HEXD: variants seen among roughly 807,000 people sequenced by gnomAD.
HEXD encodes the protein N-acetyl-beta-galactosaminidase.
HEXD carries 47 observed loss-of-function variants against 54.2 expected under a neutral mutation model. The ratio of observed to expected loss-of-function variants is 0.87; its 90% CI spans 0.69 to 1.11. The LOEUF is 1.11. Ranked by LOEUF, HEXD falls within the 50% of genes least tolerant of loss-of-function variation. The pLI is 0.00. For synonymous variants in HEXD, 293 were observed against 287.6 expected (o/e 1.02, Z -0.19); for missense variants, 576 against 649.2 (o/e 0.89, Z 1.23).
chr17:82,433,658 T>C lies in HEXD; in HGVS notation c.283T>C (p.Phe95Leu). The C allele has an allele frequency of 1.3e-6, 2 of 1,576,342 alleles. No individual in the cohort carries two copies. Among genetic ancestry groups the C allele is most frequent in the South Asian group, 1.2e-5 (1 of 85,620 alleles). The change falls in exon 5 of 13, where the codon TTT (phenylalanine) becomes CTT (leucine). Residue 95 changes from phenylalanine to leucine, a missense_variant and splice_region_variant. Physicochemically the swap from Phe to Leu is conservative, Grantham distance 22. Transcript: ENST00000327949. ...CGCGAACTTCTCTGTCTCTCCGCAG[T>C]TTGTGCTGAAGCACACGGCCTTCGC... ...PLVQTFGHME[F>L]VLKHTAFAHL...
At chr17:82,428,776 A>G (rs2053494803) in intron 4 of HEXD, 131 bp downstream of exon 4, 1 of 732,306 alleles carries the variant, frequency 1.4e-6, no homozygotes, top group South Asian at 1.6e-5. Context: ...GCTCAGCACA[A>G]CATGGAAAGG....
At chr17:82,419,997 G>A (rs1396909059) in intron 2 of HEXD, 114 bp downstream of exon 2, 9 of 489,346 alleles carry the variant, frequency 1.8e-5, no homozygotes, top group African/African-American at 4.0e-5. Context: ...CAAGGTTCTC[G>A]GTGGAGCAAG....
chr17:82,440,431 C>A, intron 9 of HEXD: 1 of 712,582 alleles, frequency 1.4e-6, no homozygotes, highest in Non-Finnish European at 2.0e-6. Context: ...CACCCCTGTA[C>A]CCCACACTAA....
At position 82,442,062 on chromosome 17, in the gene HEXD, T is replaced by G; in HGVS notation, c.1254-115T>G. The G allele has an allele frequency of 7.3e-7, 1 of 1,377,540 alleles. No individual in the cohort carries two copies. Among genetic ancestry groups the G allele is most frequent in the Non-Finnish European group, 1.0e-6 (1 of 999,462 alleles). 85.3% of individuals were successfully genotyped at this position (1,377,540 alleles called of 1,614,324 possible). On this transcript the variant is annotated intron_variant, in intron 12 of 12. Transcript: ENST00000327949. The surrounding 1 kb of genome is among the most constrained non-coding windows in gnomAD (Gnocchi z 6.8). ...TGTTCCTCCCGACATGCCGATGAGGTAGGGTCAGTAGCCCCATTTCACAGG... is the reference window on the plus strand; with the variant it reads ...TGTTCCTCCCGACATGCCGATGAGGGAGGGTCAGTAGCCCCATTTCACAGG...
chr17:82,439,529 CCTAAGG>C, intron 8 of HEXD, 96 bp from the exon 9 acceptor site: 1 of 1,486,504 alleles, frequency 6.7e-7, no homozygotes, highest in Non-Finnish European at 8.9e-7. Context: ...GCTGATGTAG[CCTAAGG>C]CCCTGGAACA....
At position 82,435,607 on chromosome 17, in the gene HEXD, G is replaced by A. The variant is rs945773511; in HGVS notation, c.448-82G>A. 4.0e-5 allele frequency: 57 copies of A among 1,433,486 alleles called. No individual in the cohort carries two copies. The Middle Eastern group carries it at 9.8e-4, about 25-fold the overall frequency. 88.8% of individuals were successfully genotyped at this position (1,433,486 alleles called of 1,614,324 possible). A position where few individuals can be genotyped will look rare whatever the true frequency, so the allele number is the denominator to read the frequency against. ...TCCCCACAGGCAGCGGCCCCTCTCC[G>A]TCAGGGCACGGCGTGAACCCCGGAC... On this transcript the variant is annotated intron_variant, in intron 5 of 12. Transcript: ENST00000327949.
At chr17:82,437,874 TA>T (rs2053817311) in intron 8 of HEXD, among the ~76,000 whole-genome samples, 1 of 152,206 alleles carries the variant, frequency 6.6e-6, no homozygotes, top group Non-Finnish European at 1.5e-5. Context: ...GTTTTTCTCA[TA>T]TCAGGGTCTT....
chr17:82,438,473 C>A (rs936052587), intron 8 of HEXD, among the ~76,000 whole-genome samples: 1 of 152,196 alleles, frequency 6.6e-6, no homozygotes, highest in African/African-American at 2.4e-5. Context: ...TTGTTAGTCC[C>A]ATGAAGGAGC....
chr17:82,439,321 G>A (rs1005848714), intron 8 of HEXD: 4 of 527,546 alleles, frequency 7.6e-6, no homozygotes. Context: ...AGAGGTGCTG[G>A]GGGGAGGGAC....
intron 4 of HEXD, among the ~76,000 whole-genome samples, chr17:82,429,255 G>A (rs747041610): frequency 2.0e-5 from 3 of 151,992 alleles, no homozygotes; most frequent in African/African-American, 4.8e-5. Flanking sequence ...GCAAGACTCC[G>A]TCTCAAAAAA....
chr17:82,418,667 G>C lies in HEXD; in HGVS notation c.-125G>C, dbSNP rs1181045382. 1 of 190,534 alleles carries C rather than the reference G, an allele frequency of 5.2e-6. No homozygotes were observed. The highest frequency in any genetic ancestry group is 1.5e-4 in the East Asian group (1 of 6,838). The allele number at this position is 190,534 out of a possible 1,614,324, so 11.8% of individuals were successfully genotyped here. The stretch of plus-strand genomic sequence containing the variant: ...GCCGAGCGGGGCGGGGCTCAGAGCG[G>C]AGGCGGCGGCCGCGAGGGCGGGGCG... On this transcript the variant is annotated 5_prime_UTR_variant, in exon 1 of 13. Transcript: ENST00000327949.
At chr17:82,437,117 C>G (rs375352903) in intron 7 of HEXD, 51 bp from the exon 8 acceptor site, 1 of 1,482,432 alleles carries the variant, frequency 6.7e-7, no homozygotes, top group Non-Finnish European at 9.2e-7. Flanking sequence ...TGTCCAGGGC[C>G]GTGTTGGCCG....
chr17:82,423,812 C>CA (rs570299369), intron 2 of HEXD, among the ~76,000 whole-genome samples: 11,769 of 91,040 alleles, frequency 0.13, 673 homozygotes, highest in African/African-American at 0.2. Flanking sequence ...GACTCCATCT[C>CA]AAAAAAAAAA....
chr17:82,431,436 T>A (rs893921356), intron 4 of HEXD, among the ~76,000 whole-genome samples: 47 of 151,510 alleles, frequency 3.1e-4, no homozygotes, highest in African/African-American at 1.1e-3. Flanking sequence ...GCTAATTTTT[T>A]TTTTTTTTTT....
At chr17:82,424,571 G>A in intron 3 of HEXD, 68 bp downstream of exon 3, 2 of 1,103,700 alleles carry the variant, frequency 1.8e-6, no homozygotes, top group South Asian at 2.5e-5. Flanking sequence ...CCGCAGGGCA[G>A]GAGGAGCAGC....
intron 9 of HEXD, chr17:82,440,044 C>G (rs1454280762): frequency 3.0e-6 from 4 of 1,314,788 alleles, no homozygotes; most frequent in Non-Finnish European, 3.0e-6. Context: ...GCCCACCTGG[C>G]CGAGCAGGTG....
chr17:82,435,700 C>T lies in HEXD; in HGVS notation c.459C>T (p.Leu153=), dbSNP rs1456886448. The change falls in exon 6 of 13, where the codon CTC becomes CTT. Residue 153 remains leucine (L), a synonymous_variant. Transcript: ENST00000327949. ...LHIGCDEVYY[L]GEGEASRRWL... ...CTCCTTCCTTGCAGGTCTATTACCT[C>T]GGAGAGGGGGAGGCCTCGCGCCGGT... 4.3e-6 allele frequency: 7 copies of T among 1,612,028 alleles called. No individual in the cohort carries two copies. The highest frequency in any genetic ancestry group is 2.2e-5 in the South Asian group (2 of 91,006).
chr17:82,442,306 G>A lies in HEXD; in HGVS notation c.1383G>A (p.Leu461=), dbSNP rs749064985. ...VHPSLQRLQA[L]LQDLSEVSAP... Reference sequence around the variant, plus strand: ...CCAGCCTGCAGCGGCTGCAAGCTCTGCTGCAGGACCTCAGCGAGGTGTCTG... The same window carrying A: ...CCAGCCTGCAGCGGCTGCAAGCTCTACTGCAGGACCTCAGCGAGGTGTCTG... The change falls in exon 13 of 13, where the codon CTG becomes CTA. Residue 461 remains leucine (L), a synonymous_variant. Transcript: ENST00000327949. This position sits in a 1 kb window ranked among gnomAD's most constrained non-coding sequence, Gnocchi z 6.8. 6 of 1,609,642 alleles carry A rather than the reference G, an allele frequency of 3.7e-6. No homozygotes were observed. The South Asian group carries it at 5.5e-5, about 15-fold the overall frequency.
At chr17:82,439,927 C>G (rs748655966) in intron 9 of HEXD, 2 of 1,520,174 alleles carry the variant, frequency 1.3e-6, no homozygotes, top group Admixed American at 2.0e-5. Context: ...AAGCCCAAAG[C>G]AGGCTGGAGA....
Sources: gnomAD v4.1 joint callset for allele counts (sites outside exome capture counted in the v4.1 genomes callset) on GRCh38, gnomAD v4.1.1 for gene constraint, Gnocchi (gnomAD v3.1) non-coding constraint, MANE v1.5 for transcripts, NCBI Gene and HGNC (gene_info 2026-07-23, HGNC 2026-07-21) for gene names.